Variants in TBC1D30 observed in about 807,000 individuals in gnomAD.
TBC1D30 encodes TBC1 domain family member 30.
Under a neutral mutation model 63.2 loss-of-function variants are expected in TBC1D30, and 31 were observed. That is an observed-to-expected ratio of 0.49 (90% CI 0.37 to 0.66). The LOEUF is 0.66. TBC1D30 is among the 30% of genes least tolerant of loss of function. TBC1D30 has a pLI of 0.00. For missense variants in TBC1D30, 810 were observed against 953.6 expected (o/e 0.85, Z 1.98); for synonymous variants, 307 against 361.5 (o/e 0.85, Z 1.71).
intron 2 of TBC1D30, 135 bp from the exon 3 acceptor site, chr12:64,828,309 A>G (rs1207679732): frequency 3.0e-6 from 2 of 672,274 alleles, no homozygotes; most frequent in Non-Finnish European, 5.2e-6. Context: ...TCTGTCTGAA[A>G]GAAGCTTTGA....
At chr12:64,762,002 G>A (rs1870532682) in intron 1 of TBC1D30, among the ~76,000 whole-genome samples, 2 of 152,166 alleles carry the variant, frequency 1.3e-5, no homozygotes, top group African/African-American at 2.4e-5. Context: ...TCTTGTATAT[G>A]ATTACAAATA....
intron 8 of TBC1D30, among the ~76,000 whole-genome samples, chr12:64,854,532 T>A (rs1006182882): frequency 1.3e-5 from 2 of 151,066 alleles, no homozygotes; most frequent in Admixed American, 1.3e-4. Context: ...TCTTGCTCTG[T>A]CACCCAGGCT....
chr12:64,875,076 A>T lies in TBC1D30; in HGVS notation c.1574A>T (p.Lys525Met), dbSNP rs914393954. ...SPVINHLLLGKKMKMTNRAAK... is the reference protein window; with the variant it reads ...SPVINHLLLGMKMKMTNRAAK... ...GTTATAAACCACCTTCTTTTAGGAA[A>T]GAAGATGAAAATGACTAACAGAGCT... The change falls in exon 12 of 12, where the codon AAG (lysine) becomes ATG (methionine). Residue 525 changes from lysine (K) to methionine (M), a missense_variant. Lys to Met is a moderately conservative substitution (Grantham distance 95). This residue lies in a region of TBC1D30 where 450 missense variants were observed against 473.0 expected (regional missense o/e 0.95). Transcript: ENST00000539867. 6.5e-7 allele frequency: 1 copy of T among 1,536,578 alleles called. No homozygotes were observed. The highest frequency in any genetic ancestry group is 1.4e-5 in the African/African-American group (1 of 73,066).
intron 2 of TBC1D30, among the ~76,000 whole-genome samples, chr12:64,805,357 T>A (rs910048041): frequency 1.3e-5 from 2 of 152,236 alleles, no homozygotes; most frequent in South Asian, 4.1e-4. Flanking sequence ...TTGTTGTTTC[T>A]AGAAAAGTGT....
At chr12:64,827,366 T>G (rs1353037987) in intron 1 of TBC1D30, among the ~76,000 whole-genome samples, 1 of 152,184 alleles carries the variant, frequency 6.6e-6, no homozygotes, top group African/African-American at 2.4e-5. Context: ...GGAGGATTGC[T>G]TAAGCCCAGG....
intron 9 of TBC1D30, among the ~76,000 whole-genome samples, chr12:64,865,401 A>T (rs1362626874): frequency 6.6e-6 from 1 of 151,894 alleles, no homozygotes; most frequent in Non-Finnish European, 1.5e-5. Context: ...AAAGGGAAAA[A>T]ATTAAGTCCT....
At chr12:64,800,587 C>T (rs1486866157) in intron 2 of TBC1D30, among the ~76,000 whole-genome samples, 1 of 151,892 alleles carries the variant, frequency 6.6e-6, no homozygotes, top group Admixed American at 6.6e-5. Flanking sequence ...GATGTGAGGG[C>T]TTGAGTAAGA....
At chr12:64,827,930 G>C (rs983190843) in intron 2 of TBC1D30, 34 bp downstream of exon 2, 1 of 1,445,882 alleles carries the variant, frequency 6.9e-7, no homozygotes. Context: ...CTTCTTTTGG[G>C]GTTACCAACA....
chr12:64,875,017 C>A lies in TBC1D30; in HGVS notation c.1515C>A (p.Thr505=). Residue 505 remains threonine, a synonymous_variant, in exon 12 of 12, where the codon ACC becomes ACA. Coordinates refer to ENST00000539867, the MANE Select transcript of TBC1D30 (RefSeq NM_015279.2). ...VYIRADKGPV[T]SILPSQVNSS... is the part of the protein sequence containing the mutation. ...TTCTTTCAGACAAAGGGCCAGTGAC[C>A]AGCATTCTCCCGTCTCAGGTAAACA... is the stretch of plus-strand genomic sequence containing the variant. 6.5e-7 allele frequency: 1 copy of A among 1,536,112 alleles called. No individual in the cohort carries two copies. The highest frequency in any genetic ancestry group is 8.7e-7 in the Non-Finnish European group (1 of 1,146,632).
At chr12:64,803,463 A>T (rs1038826928) in intron 2 of TBC1D30, among the ~76,000 whole-genome samples, 13 of 152,136 alleles carry the variant, frequency 8.5e-5, no homozygotes, top group African/African-American at 3.1e-4. Flanking sequence ...GTTCACTCTG[A>T]TGGTAGTTTC....
chr12:64,839,135 A>C (rs1875620813), intron 7 of TBC1D30, among the ~76,000 whole-genome samples: 2 of 152,212 alleles, frequency 1.3e-5, no homozygotes, highest in Non-Finnish European at 2.9e-5. Context: ...CTAGTTGGGA[A>C]GAGGGAAAGG....
At position 64,875,727 on chromosome 12, in the gene TBC1D30, C is replaced by G. The variant is rs1879020380; in HGVS notation, c.2225C>G (p.Pro742Arg). 6.5e-7 allele frequency: 1 copy of G among 1,536,272 alleles called. No individual in the cohort carries two copies. The highest frequency in any genetic ancestry group is 1.4e-5 in the African/African-American group (1 of 73,132). The change falls in exon 12 of 12, where the codon CCT becomes CGT. Residue 742 changes from proline (P) to arginine (R), a missense_variant. By Grantham distance (103) the Pro-to-Arg change is moderately radical. This residue lies in a region of TBC1D30 where 450 missense variants were observed against 473.0 expected (regional missense o/e 0.95). Transcript: ENST00000539867. Reference sequence around the variant, plus strand: ...GAAAGAACCCCAACTGTGCACTTTCCTCAAATGAGTAGGAGCTTCAGCAAA... The same window carrying G: ...GAAAGAACCCCAACTGTGCACTTTCGTCAAATGAGTAGGAGCTTCAGCAAA... ...PTERTPTVHF[P>R]QMSRSFSKPG...
chr12:64,775,468 A>G (rs1452035175), intron 1 of TBC1D30, among the ~76,000 whole-genome samples: 2 of 152,210 alleles, frequency 1.3e-5, no homozygotes, highest in Non-Finnish European at 2.9e-5. Context: ...AGAAAAAAGC[A>G]GGGGTTGCAA....
chr12:64,866,786 A>G lies in TBC1D30; in HGVS notation c.1174A>G (p.Ser392Gly), dbSNP rs765979188. The change falls in exon 10 of 12, where the codon AGT (serine) becomes GGT (glycine). Residue 392 changes from serine (S) to glycine (G), a missense_variant. Ser to Gly is a moderately conservative substitution (Grantham distance 56, BLOSUM62 0). Around this residue, in one of 4 missense-constraint regions of TBC1D30, gnomAD observed 450 missense variants for 473.0 expected, o/e 0.95. Transcript: ENST00000539867. ...VSGRHSKARD[S>G]DEENDPDDED... is the part of the protein sequence containing the mutation. ...AAGACGACATAGTAAGGCCAGAGAC[A>G]GTGATGAAGAGAATGACCCAGACGA... 13 of 1,536,504 alleles carry G rather than the reference A, an allele frequency of 8.5e-6. No homozygotes were observed. In the South Asian group the frequency reaches 1.2e-4, roughly 14 times the overall value.
chr12:64,801,997 T>C (rs983698970), intron 2 of TBC1D30, among the ~76,000 whole-genome samples: 3 of 124,654 alleles, frequency 2.4e-5, no homozygotes, highest in African/African-American at 7.9e-5. Context: ...TATTGAACAA[T>C]GATGAAACAT....
rs190194879 is a variant in TBC1D30 at position 64,850,132 on chromosome 12, C to T, written c.1038+6647C>T. Among the ~76,000 whole-genome samples the T allele has an allele frequency of 7.5e-4, 114 of 152,274 alleles. 1 individual carries two copies. In the South Asian group the frequency reaches 0.023, roughly 31 times the overall value. On this transcript the variant is annotated intron_variant, in intron 8 of 11. Coordinates refer to ENST00000539867, the MANE Select transcript of TBC1D30 (RefSeq NM_015279.2). ...TTTGCACATTGATTTTATATCCTGA[C>T]ACTTTGTTGAAGTTGCTTATCAGCT...
chr12:64,808,107 T>A (rs1375755696), intron 2 of TBC1D30, among the ~76,000 whole-genome samples: 1 of 151,842 alleles, frequency 6.6e-6, no homozygotes, highest in African/African-American at 2.4e-5. Flanking sequence ...CTCTCCACCT[T>A]CCTCTCTCCT....
At chr12:64,829,831 A>G (rs978233994) in intron 3 of TBC1D30, among the ~76,000 whole-genome samples, 28 of 152,206 alleles carry the variant, frequency 1.8e-4, no homozygotes, top group African/African-American at 6.8e-4. Flanking sequence ...GATTTTCTGG[A>G]TAAGATAATC....
intron 8 of TBC1D30, among the ~76,000 whole-genome samples, chr12:64,859,413 T>A (rs1268649582): frequency 6.6e-6 from 1 of 152,076 alleles, no homozygotes; most frequent in African/African-American, 2.4e-5. Flanking sequence ...ACCTGAAAGA[T>A]TTTAAGGAGA....
Sources: allele counts gnomAD v4.1 joint callset (sites outside exome capture counted in the v4.1 genomes callset), GRCh38; gene constraint gnomAD v4.1.1; regional missense constraint gnomAD v4.1.1; transcripts MANE v1.5; gene names NCBI Gene and HGNC (gene_info 2026-07-23, HGNC 2026-07-21).